The following RBFOX1 variants were observed in gnomAD, a reference collection of about 807,000 sequenced individuals.
The protein encoded by RBFOX1 is RNA binding protein fox-1 homolog 1.
A neutral mutation model predicts 57.7 loss-of-function variants in RBFOX1; 8 were observed. That is an observed-to-expected ratio of 0.14 (90% CI 0.08 to 0.25). The LOEUF is 0.25. RBFOX1 is among the 10% of genes least tolerant of loss of function. RBFOX1 has a pLI of 1.00. For missense variants in RBFOX1, 611 were observed against 548.5 expected, an observed-to-expected ratio of 1.11 and a Z score of -1.14; for synonymous variants, 326 against 222.4, an observed-to-expected ratio of 1.47 and a Z score of -4.15.
chr16:6,284,050 CTTG>C (rs990831131), intron 1 of RBFOX1, among the ~76,000 whole-genome samples: 4 of 152,096 alleles, frequency 2.6e-5, no homozygotes, highest in Non-Finnish European at 4.4e-5. Flanking sequence ...GCCTGTGTAG[CTTG>C]TTTTTAACAT....
chr16:7,560,447 C>CT lies in RBFOX1; in HGVS notation c.271-19330_271-19329insT. Reference sequence around the variant, plus strand: ...CAAGTCTCCTAAATGAAAGTACCCCCAGTGACTAAAAGTCTTGTTGCTGCT... The same window carrying CT: ...CAAGTCTCCTAAATGAAAGTACCCCCTAGTGACTAAAAGTCTTGTTGCTGCT... On this transcript the variant is annotated intron_variant, in intron 5 of 15. Transcript: ENST00000550418. 1.3e-5 allele frequency among the ~76,000 whole-genome samples: 2 copies of CT among 151,200 alleles called. 1 individual carries two copies. Among genetic ancestry groups the CT allele is most frequent in the South Asian group, 4.2e-4 (2 of 4,766 alleles).
chr16:5,970,611 G>A (rs957546704), intron 4 of RBFOX1, among the ~76,000 whole-genome samples: 1 of 152,206 alleles, frequency 6.6e-6, no homozygotes, highest in African/African-American at 2.4e-5. Context: ...AAGACAGACT[G>A]TGGGCCGACC....
chr16:5,474,988 C>G (rs977491541), intron 2 of RBFOX1, among the ~76,000 whole-genome samples: 1 of 152,180 alleles, frequency 6.6e-6, no homozygotes, highest in African/African-American at 2.4e-5. Flanking sequence ...CAGCATTATT[C>G]TCCATTCTTT....
chr16:6,457,743 C>A lies in RBFOX1; in HGVS notation c.-64+140686C>A, dbSNP rs374962948. ...TGATAATGTGGACCCCGGTGATTTG[C>A]TGTCCTTCATCGTTTGATCTGCTTT... On this transcript the variant is annotated intron_variant, in intron 2 of 15. Coordinates refer to ENST00000550418, the MANE Select transcript of RBFOX1 (RefSeq NM_018723.4). Among the ~76,000 whole-genome samples, 55 of 152,292 alleles carry A rather than the reference C, an allele frequency of 3.6e-4. 1 individual carries two copies. Among genetic ancestry groups the A allele is most frequent in the East Asian group, 1.2e-3 (6 of 5,170 alleles).
chr16:5,907,915 T>A (rs533012840), intron 4 of RBFOX1, among the ~76,000 whole-genome samples: 1 of 151,940 alleles, frequency 6.6e-6, no homozygotes, highest in African/African-American at 2.4e-5. Flanking sequence ...CATGCCCAGC[T>A]AATTTTTTTA....
chr16:6,516,810 G>C (rs2096388283), intron 2 of RBFOX1, among the ~76,000 whole-genome samples: 1 of 152,122 alleles, frequency 6.6e-6, no homozygotes, highest in African/African-American at 2.4e-5. Context: ...AGTTGGTAGA[G>C]ACATTGCAAC....
chr16:7,060,546 T>C (rs1858967646), intron 4 of RBFOX1, among the ~76,000 whole-genome samples: 1 of 152,234 alleles, frequency 6.6e-6, no homozygotes, highest in Admixed American at 6.5e-5. Context: ...AAATGGCTTT[T>C]AAAGAACAGA....
chr16:7,695,803 C>T (rs1329620157), intron 14 of RBFOX1, among the ~76,000 whole-genome samples: 1 of 151,904 alleles, frequency 6.6e-6, no homozygotes. Context: ...TGACAAAAGA[C>T]AAGTTCTCTA....
chr16:7,337,302 C>A (rs2096807557), intron 4 of RBFOX1, among the ~76,000 whole-genome samples: 1 of 152,094 alleles, frequency 6.6e-6, no homozygotes, highest in African/African-American at 2.4e-5. Flanking sequence ...TAACCCAGTG[C>A]CTCTTAGAGT....
chr16:7,573,621 G>A (rs1194886836), intron 5 of RBFOX1, among the ~76,000 whole-genome samples: 1 of 152,044 alleles, frequency 6.6e-6, no homozygotes, highest in Admixed American at 6.6e-5. Context: ...ATCACTTGAG[G>A]TTAGGAGTTT....
chr16:6,583,949 G>A (rs559862778), intron 2 of RBFOX1, among the ~76,000 whole-genome samples: 2 of 151,674 alleles, frequency 1.3e-5, no homozygotes, highest in African/African-American at 4.8e-5. Context: ...ACTCCAGTTT[G>A]GTAGTTGAGA....
At chr16:7,119,743 A>G (rs2066696079) in intron 4 of RBFOX1, among the ~76,000 whole-genome samples, 1 of 152,094 alleles carries the variant, frequency 6.6e-6, no homozygotes, top group African/African-American at 2.4e-5. Context: ...GAAAAGAGAA[A>G]TGGAGAGTCT....
intron 2 of RBFOX1, among the ~76,000 whole-genome samples, chr16:5,469,327 G>T (rs1041735902): frequency 2.0e-5 from 3 of 152,190 alleles, no homozygotes; most frequent in Non-Finnish European, 4.4e-5. Context: ...TGTTTGGGAG[G>T]TGGGCTCTGT....
chr16:7,058,508 A>G (rs10500346), intron 4 of RBFOX1, among the ~76,000 whole-genome samples: 1,825 of 152,210 alleles, frequency 0.012, 37 homozygotes, highest in African/African-American at 0.035. Flanking sequence ...TGTTACTTCA[A>G]TCCTCTCTAT....
At chr16:6,873,068 C>T (rs535576821) in intron 3 of RBFOX1, among the ~76,000 whole-genome samples, 1 of 151,364 alleles carries the variant, frequency 6.6e-6, no homozygotes. Flanking sequence ...GCAAAGCCAC[C>T]CAAACTTCTG....
intron 4 of RBFOX1, among the ~76,000 whole-genome samples, chr16:7,234,764 G>C (rs2093685841): frequency 6.6e-6 from 1 of 151,638 alleles, no homozygotes; most frequent in Admixed American, 6.6e-5. Context: ...GGAGAAGTCA[G>C]AAATGGGTAA....
intron 1 of RBFOX1, among the ~76,000 whole-genome samples, chr16:5,273,097 T>A (rs1378655631): frequency 6.6e-6 from 1 of 152,170 alleles, no homozygotes; most frequent in Non-Finnish European, 1.5e-5. Flanking sequence ...AAACTCGTTC[T>A]CTTTAAGAGG....
intron 1 of RBFOX1, among the ~76,000 whole-genome samples, chr16:5,370,731 T>G (rs1343196970): frequency 1.3e-5 from 2 of 152,080 alleles, no homozygotes; most frequent in Non-Finnish European, 2.9e-5. Flanking sequence ...AGACTCAAAC[T>G]GTTCTCCCAC....
At chr16:6,999,212 A>ATTTTATTT (rs1254312494) in intron 3 of RBFOX1, among the ~76,000 whole-genome samples, 23 of 117,676 alleles carry the variant, frequency 2.0e-4, no homozygotes, top group South Asian at 5.3e-4. Flanking sequence ...TTTTATTTTT[A>ATTTTATTT]TTTATTTTTT....
Sources: allele counts gnomAD v4.1 joint callset (sites outside exome capture counted in the v4.1 genomes callset), GRCh38; gene constraint gnomAD v4.1.1; transcripts MANE v1.5; gene names NCBI Gene and HGNC (gene_info 2026-07-23, HGNC 2026-07-21).